SYNJ2: variants seen among roughly 807,000 people sequenced by gnomAD.
The protein encoded by SYNJ2 is polyphosphatidylinositol phosphatase SYNJ2.
Under a neutral mutation model 141.3 loss-of-function variants are expected in SYNJ2, and 116 were observed. The observed-to-expected ratio is 0.82, with a 90% CI of 0.71 to 0.96. The LOEUF (loss-of-function observed/expected upper bound fraction) is 0.96. Ranked by LOEUF, SYNJ2 falls within the 40% of genes least tolerant of loss-of-function variation. The probability of loss-of-function intolerance (pLI) is 0.00; values close to 1 mark genes in which losing one functional copy is unlikely to be tolerated. For missense variants in SYNJ2, 1,873 were observed against 1,934.8 expected (o/e 0.97, Z 0.60); for synonymous variants, 745 against 777.7 (o/e 0.96, Z 0.70).
chr6:158,045,573 G>A (rs1026951945), intron 5 of SYNJ2, among the ~76,000 whole-genome samples: 7 of 152,056 alleles, frequency 4.6e-5, no homozygotes, highest in African/African-American at 9.7e-5. Flanking sequence ...ATTCTTCTCC[G>A]TGTGACTCAC....
intron 1 of SYNJ2, among the ~76,000 whole-genome samples, chr6:157,990,904 G>C (rs1201683475): frequency 2.0e-5 from 3 of 152,066 alleles, no homozygotes; most frequent in Non-Finnish European, 4.4e-5. Flanking sequence ...CCTGAGGACA[G>C]GGAACTAAGT....
At chr6:158,092,430 C>G (rs889595354) in intron 25 of SYNJ2, among the ~76,000 whole-genome samples, 17 of 152,242 alleles carry the variant, frequency 1.1e-4, no homozygotes, top group African/African-American at 3.4e-4. Flanking sequence ...TGCTTGAATC[C>G]AGGAGTTCGA....
At chr6:158,089,101 C>T (rs941673141) in intron 24 of SYNJ2, among the ~76,000 whole-genome samples, 1 of 152,060 alleles carries the variant, frequency 6.6e-6, no homozygotes. Flanking sequence ...GGGAGAAATT[C>T]AGGTCGTTAT....
chr6:158,067,310 C>T lies in SYNJ2; in HGVS notation c.1717+675C>T, dbSNP rs1170936544. On this transcript the variant is annotated intron_variant, in intron 12 of 26. Coordinates refer to ENST00000355585, the MANE Select transcript of SYNJ2 (RefSeq NM_003898.4). ...CTGGGATTACAGGCATGCGCCACCG[C>T]GCCTGGCCCTGCCTTCAGTGTTGAT... 36 of 555,332 alleles carry T rather than the reference C, an allele frequency of 6.5e-5. No individual in the cohort carries two copies. The Admixed American group carries it at 9.5e-4, about 15-fold the overall frequency. 34.4% of individuals were successfully genotyped at this position (555,332 alleles called of 1,614,324 possible). A position where few individuals can be genotyped will look rare whatever the true frequency, so the allele number is the denominator to read the frequency against.
At chr6:158,075,314 A>T (rs1782208678) in intron 16 of SYNJ2, among the ~76,000 whole-genome samples, 1 of 151,916 alleles carries the variant, frequency 6.6e-6, no homozygotes, top group South Asian at 2.1e-4. Context: ...GAGTACATTT[A>T]AATTCCATTT....
chr6:158,015,690 G>C (rs1056084151), intron 1 of SYNJ2, among the ~76,000 whole-genome samples: 3 of 152,110 alleles, frequency 2.0e-5, no homozygotes, highest in Non-Finnish European at 4.4e-5. Flanking sequence ...CCCATTACTA[G>C]TTTTAAATTA....
chr6:157,982,053 G>A lies in SYNJ2; in HGVS notation c.92G>A (p.Cys31Tyr). The A allele has an allele frequency of 7.5e-7, 1 of 1,338,386 alleles. No individual in the cohort carries two copies. Among genetic ancestry groups the A allele is most frequent in the African/African-American group, 1.5e-5 (1 of 65,422 alleles). The allele number at this position is 1,338,386 out of a possible 1,614,324, so 82.9% of individuals were successfully genotyped here. ...CTGGAGGCGCGCGGCCGCGACGACT[G>A]CCTGCTGTTCGAGGCCGGCACGGTG... ...VLLEARGRDD[C>Y]LLFEAGTVAT... The change falls in exon 1 of 27, where the codon TGC becomes TAC. Residue 31 changes from cysteine to tyrosine, a missense_variant. Coordinates refer to ENST00000355585, the MANE Select transcript of SYNJ2 (RefSeq NM_003898.4). The surrounding 1 kb of genome is among the most constrained non-coding windows in gnomAD (Gnocchi z 4.0).
chr6:157,987,839 G>A (rs1467526044), intron 1 of SYNJ2, among the ~76,000 whole-genome samples: 1 of 152,232 alleles, frequency 6.6e-6, no homozygotes, highest in Non-Finnish European at 1.5e-5. Flanking sequence ...CAGCAGAAAT[G>A]GTGGCATGAA....
At chr6:158,086,725 T>C in intron 22 of SYNJ2, 130 bp from the exon 23 acceptor site, 1 of 731,072 alleles carries the variant, frequency 1.4e-6, no homozygotes, top group African/African-American at 1.9e-5. Flanking sequence ...GGTGCCCGTT[T>C]CTGGACAGAG....
intron 13 of SYNJ2, 82 bp downstream of exon 13, chr6:158,068,810 G>T: frequency 6.8e-7 from 1 of 1,480,828 alleles, no homozygotes. Context: ...GAGGCTCTCC[G>T]GGAGCCAGCC....
chr6:158,002,998 G>T (rs1044751608), intron 1 of SYNJ2, among the ~76,000 whole-genome samples: 3 of 152,218 alleles, frequency 2.0e-5, no homozygotes, highest in African/African-American at 7.2e-5. Context: ...CTCCCTCTTT[G>T]GCCACAGCTC....
chr6:158,068,125 G>A (rs1157401231), intron 12 of SYNJ2, among the ~76,000 whole-genome samples: 1 of 143,900 alleles, frequency 6.9e-6, no homozygotes, highest in African/African-American at 2.6e-5. Context: ...ACAGAGGGAC[G>A]GGGATTGTTT....
In SYNJ2 at chr6:158,095,896, C is replaced by A. The variant is rs141704208; in HGVS notation, c.4023C>A (p.Pro1341=). 3.0e-4 allele frequency: 484 copies of A among 1,613,972 alleles called. No homozygotes were observed. Among genetic ancestry groups the A allele is most frequent in the Non-Finnish European group, 3.9e-4 (457 of 1,180,014 alleles). ...KVPPRRKKSA[P]AAFHLQVLQS... is the part of the protein sequence containing the mutation. ...CCCCGAGGAGGAAGAAGTCAGCCCCCGCAGCCTTCCACCTGCAGGTCCTGC... is the reference window on the plus strand; with the variant it reads ...CCCCGAGGAGGAAGAAGTCAGCCCCAGCAGCCTTCCACCTGCAGGTCCTGC... Residue 1341 remains proline (P), a synonymous_variant, in exon 27 of 27, where the codon CCC becomes CCA. Transcript: ENST00000355585.
At position 158,063,864 on chromosome 6, in the gene SYNJ2, G is replaced by A. The variant is rs374757119; in HGVS notation, c.1201G>A (p.Ala401Thr). 73 of 1,613,400 alleles carry A rather than the reference G, an allele frequency of 4.5e-5. No homozygotes were observed. Among genetic ancestry groups the A allele is most frequent in the South Asian group, 8.8e-5 (8 of 91,064 alleles). ...DRTNTVQSFI[A>T]LEVLHLQLKT... ...AACCAACACTGTGCAGAGCTTCATCGCGCTCGAGGTGCGTCCCTGCCACAG... is the reference window on the plus strand; with the variant it reads ...AACCAACACTGTGCAGAGCTTCATCACGCTCGAGGTGCGTCCCTGCCACAG... Residue 401 changes from alanine to threonine, a missense_variant, in exon 9 of 27, where the codon GCG (alanine) becomes ACG (threonine). Transcript: ENST00000355585.
At chr6:158,037,546 C>T (rs1002158258) in intron 4 of SYNJ2, among the ~76,000 whole-genome samples, 11 of 151,824 alleles carry the variant, frequency 7.2e-5, no homozygotes, top group African/African-American at 2.2e-4. Context: ...GGACTACAGG[C>T]GCCCGCCACC....
intron 26 of SYNJ2, chr6:158,094,004 C>T (rs368832059): frequency 1.6e-5 from 12 of 764,818 alleles, no homozygotes; most frequent in African/African-American, 1.0e-4. Flanking sequence ...CTGGATCTTC[C>T]GTTTGATCTC....
In SYNJ2 at chr6:158,052,510, G is replaced by A. The variant is rs546531760; in HGVS notation, c.796-2457G>A. Among the ~76,000 whole-genome samples, 4 of 152,330 alleles carry A rather than the reference G, an allele frequency of 2.6e-5. 1 individual carries two copies. In the East Asian group the frequency reaches 7.7e-4, roughly 29 times the overall value. ...GTGCCAGCATCTGCTTCTGGGGAGG[G>A]TCTCAGGAAGCTTACAGTCATGGTG... On this transcript the variant is annotated intron_variant, in intron 5 of 26. Coordinates refer to ENST00000355585, the MANE Select transcript of SYNJ2 (RefSeq NM_003898.4).
chr6:157,989,652 C>T (rs1184496119), intron 1 of SYNJ2, among the ~76,000 whole-genome samples: 2 of 151,932 alleles, frequency 1.3e-5, no homozygotes, highest in African/African-American at 4.8e-5. Context: ...CTCCTGGGGG[C>T]AGAGCTGAGC....
intron 7 of SYNJ2, among the ~76,000 whole-genome samples, chr6:158,061,126 ATCACAGGCAG>A (rs1036413553): frequency 1.3e-5 from 2 of 152,224 alleles, no homozygotes; most frequent in Non-Finnish European, 2.9e-5. Flanking sequence ...ACTCAGACCT[ATCACAGGCAG>A]TCACGTTGAG....
Sources: gnomAD v4.1 joint callset for allele counts (sites outside exome capture counted in the v4.1 genomes callset) on GRCh38, gnomAD v4.1.1 for gene constraint, Gnocchi (gnomAD v3.1) non-coding constraint, MANE v1.5 for transcripts, NCBI Gene and HGNC (gene_info 2026-07-23, HGNC 2026-07-21) for gene names.